PTPRM: variants seen among roughly 807,000 people sequenced by gnomAD.
PTPRM encodes the protein receptor-type tyrosine-protein phosphatase mu.
A neutral mutation model predicts 186.7 loss-of-function variants in PTPRM; 47 were observed. The ratio of observed to expected loss-of-function variants is 0.25; its 90% CI spans 0.20 to 0.32. The LOEUF (loss-of-function observed/expected upper bound fraction) is 0.32, where lower values mean the gene tolerates loss of function less well. Among genes scored for constraint, PTPRM ranks in the 10% least tolerant of loss-of-function variants. The pLI, the probability that PTPRM is intolerant of heterozygous loss-of-function variation, is 1.00. For missense variants in PTPRM, 1,494 were observed against 1,865.0 expected, an observed-to-expected ratio of 0.80 and a Z score of 3.66; for synonymous variants, 668 against 674.9, an observed-to-expected ratio of 0.99 and a Z score of 0.16.
intron 1 of PTPRM, among the ~76,000 whole-genome samples, chr18:7,759,249 TAA>T (rs1203812860): frequency 2.0e-5 from 3 of 152,174 alleles, no homozygotes; most frequent in African/African-American, 7.2e-5. Flanking sequence ...TTGTTAAAGG[TAA>T]GTGTCCAATA....
At chr18:7,891,282 C>T (rs189723908) in intron 3 of PTPRM, among the ~76,000 whole-genome samples, 17 of 151,100 alleles carry the variant, frequency 1.1e-4, no homozygotes, top group Admixed American at 9.9e-4. Context: ...TGAGACCTTG[C>T]CTCAAGAAAA....
At chr18:7,689,326 T>C (rs1002075508) in intron 1 of PTPRM, among the ~76,000 whole-genome samples, 11 of 152,202 alleles carry the variant, frequency 7.2e-5, no homozygotes, top group Non-Finnish European at 1.2e-4. Context: ...TGTTCGGGAT[T>C]GGGCTCAAAG....
At chr18:8,174,249 G>T (rs1406476770) in intron 14 of PTPRM, among the ~76,000 whole-genome samples, 1 of 152,094 alleles carries the variant, frequency 6.6e-6, no homozygotes, top group Non-Finnish European at 1.5e-5. Flanking sequence ...TACAAAGGTG[G>T]TTTAGTTTTG....
chr18:7,741,127 A>G (rs1302534603), intron 1 of PTPRM, among the ~76,000 whole-genome samples: 2 of 152,182 alleles, frequency 1.3e-5, no homozygotes, highest in African/African-American at 4.8e-5. Context: ...CTGAGCCTAC[A>G]TTTTTATAAT....
chr18:7,760,150 A>C (rs1214463274), intron 1 of PTPRM, among the ~76,000 whole-genome samples: 4 of 152,136 alleles, frequency 2.6e-5, no homozygotes, highest in Non-Finnish European at 5.9e-5. Context: ...TTGCTTTAGC[A>C]TTGAGCTTAG....
intron 2 of PTPRM, among the ~76,000 whole-genome samples, chr18:7,805,322 CTCA>C (rs1278754497): frequency 3.9e-5 from 6 of 152,326 alleles, no homozygotes; most frequent in Admixed American, 2.0e-4. Context: ...CTCACCACAG[CTCA>C]TCATTTCTTC....
intron 20 of PTPRM, among the ~76,000 whole-genome samples, chr18:8,300,060 A>G (rs949996830): frequency 6.6e-6 from 1 of 152,238 alleles, no homozygotes; most frequent in East Asian, 1.9e-4. Flanking sequence ...CAGAGGCGGG[A>G]TGGGTTTAAA....
chr18:7,917,329 C>T (rs1054169463), intron 4 of PTPRM, among the ~76,000 whole-genome samples: 2 of 152,112 alleles, frequency 1.3e-5, no homozygotes, highest in African/African-American at 2.4e-5. Flanking sequence ...GTCAGGAGAT[C>T]GTGACCATCC....
chr18:7,944,387 C>T (rs890030636), intron 5 of PTPRM, among the ~76,000 whole-genome samples: 2 of 152,196 alleles, frequency 1.3e-5, no homozygotes, highest in African/African-American at 4.8e-5. Context: ...AAACAATTTA[C>T]CCAGTTTCCC....
intron 7 of PTPRM, among the ~76,000 whole-genome samples, chr18:8,063,117 G>C (rs1356882707): frequency 1.3e-5 from 2 of 151,460 alleles, no homozygotes; most frequent in African/African-American, 4.9e-5. Context: ...GAGACTCCGT[G>C]GGCGTAGGAC....
intron 1 of PTPRM, among the ~76,000 whole-genome samples, chr18:7,705,714 T>G (rs2040072348): frequency 6.6e-6 from 1 of 151,690 alleles, no homozygotes; most frequent in Non-Finnish European, 1.5e-5. Context: ...TCTTTCTTCT[T>G]TACTTTCTTT....
At chr18:7,652,999 G>T (rs2038755055) in intron 1 of PTPRM, among the ~76,000 whole-genome samples, 1 of 151,532 alleles carries the variant, frequency 6.6e-6, no homozygotes, top group Admixed American at 6.6e-5. Context: ...TAAAAAATAG[G>T]CAAAAGATCT....
rs571817555 is a variant in PTPRM, at chr18:8,109,427, C to T, written c.1857-4059C>T. On this transcript the variant is annotated intron_variant, in intron 11 of 32. Coordinates refer to ENST00000580170, the MANE Select transcript of PTPRM (RefSeq NM_001105244.2). ...AAAAGACATTTTGGGTTTGAAATTG[C>T]TCCAGTCAACTTAGTTCTTTCTTTA... is the stretch of plus-strand genomic sequence containing the variant. 2.6e-5 allele frequency among the ~76,000 whole-genome samples: 4 copies of T among 152,262 alleles called. No individual in the cohort carries two copies. The South Asian group carries it at 6.2e-4, about 24-fold the overall frequency.
chr18:7,898,724 A>G (rs1235744802), intron 3 of PTPRM, among the ~76,000 whole-genome samples: 1 of 152,164 alleles, frequency 6.6e-6, no homozygotes, highest in Non-Finnish European at 1.5e-5. Context: ...TCTATTCTAC[A>G]TTTTCTTACA....
intron 14 of PTPRM, among the ~76,000 whole-genome samples, chr18:8,162,023 C>G (rs1194033326): frequency 6.6e-6 from 1 of 151,996 alleles, no homozygotes; most frequent in Non-Finnish European, 1.5e-5. Flanking sequence ...CCTCTGGACT[C>G]TTGTTGAGCC....
At chr18:7,579,579 G>A (rs1386433153) in intron 1 of PTPRM, among the ~76,000 whole-genome samples, 4 of 152,190 alleles carry the variant, frequency 2.6e-5, no homozygotes, top group African/African-American at 4.8e-5. Context: ...TATCTGCTTC[G>A]TATATATCTT....
intron 32 of PTPRM, among the ~76,000 whole-genome samples, chr18:8,405,733 G>A (rs147115520): frequency 6.6e-6 from 1 of 152,322 alleles, no homozygotes; most frequent in Admixed American, 6.5e-5. Flanking sequence ...AGGGCCTTGT[G>A]AGAGATGTCA....
At chr18:7,836,581 C>G (rs1403257717) in intron 2 of PTPRM, among the ~76,000 whole-genome samples, 1 of 152,132 alleles carries the variant, frequency 6.6e-6, no homozygotes, top group Admixed American at 6.5e-5. Flanking sequence ...TGTGTACTTA[C>G]TATTACAAGT....
At chr18:8,240,777 G>GGAGGGAGAGAGAGA (rs2094420075) in intron 14 of PTPRM, among the ~76,000 whole-genome samples, 43 of 57,268 alleles carry the variant, frequency 7.5e-4, no homozygotes, top group South Asian at 1.6e-3. Context: ...AGAGAGAGAG[G>GGAGGGAGAGAGAGA]GAGAGAGAGA....
Sources: allele counts gnomAD v4.1 joint callset (sites outside exome capture counted in the v4.1 genomes callset), GRCh38; gene constraint gnomAD v4.1.1; transcripts MANE v1.5; gene names NCBI Gene and HGNC (gene_info 2026-07-23, HGNC 2026-07-21).